Variants in ANKRD6 observed in about 807,000 individuals in gnomAD.
ANKRD6 encodes the protein ankyrin repeat domain-containing protein 6.
Under a neutral mutation model 82.3 loss-of-function variants are expected in ANKRD6, and 56 were observed. That is an observed-to-expected ratio of 0.68 (90% CI 0.55 to 0.85). The LOEUF (loss-of-function observed/expected upper bound fraction) is 0.85. ANKRD6 is among the 40% of genes least tolerant of loss of function. The pLI is 0.00. For synonymous variants in ANKRD6, 347 were observed against 352.1 expected (o/e 0.99, Z 0.16); for missense variants, 852 against 907.6 (o/e 0.94, Z 0.79).
At chr6:89,553,905 C>T (rs1207515638) in intron 1 of ANKRD6, among the ~76,000 whole-genome samples, 5 of 152,098 alleles carry the variant, frequency 3.3e-5, no homozygotes, top group Non-Finnish European at 4.4e-5. Flanking sequence ...TACTCTTGCC[C>T]CTGGAACCTG....
At chr6:89,615,100 T>C (rs1412365485) in intron 7 of ANKRD6, among the ~76,000 whole-genome samples, 1 of 152,230 alleles carries the variant, frequency 6.6e-6, no homozygotes, top group Admixed American at 6.5e-5. Flanking sequence ...TGTCTTGGTA[T>C]TTATTGACAC....
chr6:89,591,317 C>T (rs763886802), intron 2 of ANKRD6, among the ~76,000 whole-genome samples: 1 of 152,110 alleles, frequency 6.6e-6, no homozygotes. Flanking sequence ...GTTGCCCAGG[C>T]TATAGAACTC....
chr6:89,624,706 C>T lies in ANKRD6; in HGVS notation c.1371+15C>T. The T allele has an allele frequency of 6.3e-7, 1 of 1,599,602 alleles. No homozygotes were observed. Among genetic ancestry groups the T allele is most frequent in the Non-Finnish European group, 8.5e-7 (1 of 1,172,686 alleles). On this transcript the variant is annotated intron_variant, in intron 13 of 15. Coordinates refer to ENST00000339746, the MANE Select transcript of ANKRD6 (RefSeq NM_001242809.2). Reference sequence around the variant, plus strand: ...CCCAGCACCAAGTATGTCATAAGGCCCAGCTTCCTAATTGCAAGGTGTTCT... The same window carrying T: ...CCCAGCACCAAGTATGTCATAAGGCTCAGCTTCCTAATTGCAAGGTGTTCT...
In ANKRD6 at chr6:89,467,821, G is replaced by A. The variant is rs577395261; in HGVS notation, c.-144+34446G>A. 5.9e-5 allele frequency among the ~76,000 whole-genome samples: 9 copies of A among 152,280 alleles called. No individual in the cohort carries two copies. In the South Asian group the frequency reaches 8.3e-4, roughly 14 times the overall value. The stretch of plus-strand genomic sequence containing the variant: ...CAACTCCTGCAGCTTCTTATGTTGC[G>A]GGAGGCATTCATCTGTGCAGCATTG... On this transcript the variant is annotated intron_variant, in intron 1 of 15. Coordinates refer to ENST00000339746, the MANE Select transcript of ANKRD6 (RefSeq NM_001242809.2).
chr6:89,572,186 C>T (rs764295573), intron 2 of ANKRD6, among the ~76,000 whole-genome samples: 1 of 152,226 alleles, frequency 6.6e-6, no homozygotes, highest in African/African-American at 2.4e-5. Flanking sequence ...TGAAGGACAT[C>T]TTGGTTGCTT....
chr6:89,441,976 T>C (rs559734945), intron 1 of ANKRD6, among the ~76,000 whole-genome samples: 1 of 151,836 alleles, frequency 6.6e-6, no homozygotes, highest in East Asian at 2.0e-4. Context: ...TCTAGGTGGT[T>C]GGGTTACAGC....
intron 1 of ANKRD6, among the ~76,000 whole-genome samples, chr6:89,544,269 C>T (rs1478064668): frequency 6.6e-6 from 1 of 152,216 alleles, no homozygotes; most frequent in Non-Finnish European, 1.5e-5. Context: ...AAGGAGCCAT[C>T]CCAATGTCCG....
chr6:89,457,425 C>T (rs1773618694), intron 1 of ANKRD6, among the ~76,000 whole-genome samples: 3 of 152,274 alleles, frequency 2.0e-5, no homozygotes, highest in South Asian at 4.1e-4. Flanking sequence ...CAAATGCTCA[C>T]TTACCTTACG....
chr6:89,485,810 G>A (rs1777296738), intron 1 of ANKRD6, among the ~76,000 whole-genome samples: 1 of 152,180 alleles, frequency 6.6e-6, no homozygotes, highest in Non-Finnish European at 1.5e-5. Flanking sequence ...AAGTCACACA[G>A]GAAAGCTTCT....
At chr6:89,567,202 C>CT (rs1433303861) in intron 2 of ANKRD6, 106 bp downstream of exon 2, 27 of 1,435,390 alleles carry the variant, frequency 1.9e-5, no homozygotes, top group Non-Finnish European at 2.5e-5. Context: ...AAAGAACTGG[C>CT]TTTTCTTCCA....
At chr6:89,463,605 A>G (rs1022056266) in intron 1 of ANKRD6, among the ~76,000 whole-genome samples, 3 of 152,124 alleles carry the variant, frequency 2.0e-5, no homozygotes, top group African/African-American at 7.2e-5. Flanking sequence ...CTGGAGTGCT[A>G]TGGTGCGATC....
intron 1 of ANKRD6, among the ~76,000 whole-genome samples, chr6:89,476,536 A>G (rs1158176133): frequency 6.6e-6 from 1 of 152,118 alleles, no homozygotes; most frequent in Non-Finnish European, 1.5e-5. Context: ...CTGTTTCTCC[A>G]TATCTTTCAT....
chr6:89,504,461 TG>T (rs1284549534), intron 1 of ANKRD6, among the ~76,000 whole-genome samples: 1 of 152,136 alleles, frequency 6.6e-6, no homozygotes, highest in African/African-American at 2.4e-5. Context: ...TGGAGTGCAG[TG>T]GCACGATCAT....
intron 2 of ANKRD6, among the ~76,000 whole-genome samples, chr6:89,584,470 C>T (rs990827416): frequency 6.6e-6 from 1 of 152,144 alleles, no homozygotes; most frequent in Non-Finnish European, 1.5e-5. Flanking sequence ...AAGCCAGGAA[C>T]TTGTCGGGAC....
At chr6:89,488,900 A>ATTCTATTCTATTCTC (rs1554219752) in intron 1 of ANKRD6, among the ~76,000 whole-genome samples, 1 of 151,678 alleles carries the variant, frequency 6.6e-6, no homozygotes, top group East Asian at 1.9e-4. Context: ...ATTCTATTCT[A>ATTCTATTCTATTCTC]TTCTATTCTA....
At chr6:89,526,972 T>C (rs1049895294) in intron 1 of ANKRD6, among the ~76,000 whole-genome samples, 1 of 152,214 alleles carries the variant, frequency 6.6e-6, no homozygotes, top group African/African-American at 2.4e-5. Flanking sequence ...GGGAGGGCAA[T>C]CTGCTTTATT....
intron 8 of ANKRD6, chr6:89,616,986 G>A (rs576062131): frequency 2.0e-6 from 1 of 494,752 alleles, no homozygotes; most frequent in East Asian, 5.7e-5. Flanking sequence ...TGCATGTGAT[G>A]CTCAGAAAAA....
chr6:89,631,858 A>G lies in ANKRD6; in HGVS notation c.*854A>G, dbSNP rs1288690628. 6.6e-6 allele frequency: 1 copy of G among 152,202 alleles called. No individual in the cohort carries two copies. The highest frequency in any genetic ancestry group is 1.5e-5 in the Non-Finnish European group (1 of 68,040). 9.4% of individuals were successfully genotyped at this position (152,202 alleles called of 1,614,324 possible). On this transcript the variant is annotated 3_prime_UTR_variant, in exon 16 of 16. Transcript: ENST00000339746. ...TCTGAATTTGAGATTTTTGCTCTAC[A>G]TTTTATAATGAATAAGGCTATTTTT...
At chr6:89,548,321 T>G (rs1425871627) in intron 1 of ANKRD6, among the ~76,000 whole-genome samples, 1 of 152,246 alleles carries the variant, frequency 6.6e-6, no homozygotes, top group African/African-American at 2.4e-5. Context: ...TTACATAGTT[T>G]AATTTTTCAA....
Sources: gnomAD v4.1 joint callset for allele counts (sites outside exome capture counted in the v4.1 genomes callset) on GRCh38, gnomAD v4.1.1 for gene constraint, MANE v1.5 for transcripts, NCBI Gene and HGNC (gene_info 2026-07-23, HGNC 2026-07-21) for gene names.